Variants in SLC38A10 observed in about 807,000 individuals in gnomAD.
The protein encoded by SLC38A10 is Sodium-coupled neutral amino acid transporter 10.
A neutral mutation model predicts 81.0 loss-of-function variants in SLC38A10; 53 were observed. That is an observed-to-expected ratio of 0.65 (90% CI 0.53 to 0.82). SLC38A10 has a LOEUF of 0.82. SLC38A10 is among the 40% of genes least tolerant of loss of function. SLC38A10 has a pLI of 0.00. For missense variants in SLC38A10, 1,471 were observed against 1,545.0 expected (o/e 0.95, Z 0.80); for synonymous variants, 665 against 655.3 (o/e 1.01, Z -0.23).
chr17:81,259,455 C>T, intron 11 of SLC38A10, among the ~76,000 whole-genome samples: 1 of 152,224 alleles, frequency 6.6e-6, no homozygotes, highest in East Asian at 1.9e-4. Context: ...ACAGCACCTA[C>T]CTGCCCATCC....
Position 81,275,986 on chromosome 17 carries a change from G to A in SLC38A10, c.895C>T (p.Leu299=). 6.2e-7 allele frequency: 1 copy of A among 1,613,618 alleles called. No individual in the cohort carries two copies. The highest frequency in any genetic ancestry group is 8.5e-7 in the Non-Finnish European group (1 of 1,179,958). The part of the protein sequence containing the change: ...ILPCRQALST[L]LCEQQQKDGT... ...GGTCTTACCTGCTGCTCACACAGCA[G>A]CGTGCTCAGGGCCTGCCTGCATGGC... Residue 299 remains leucine (L), a synonymous_variant, in exon 8 of 16, where the codon CTG becomes TTG. Transcript: ENST00000374759.
Position 81,253,193 on chromosome 17 carries a change from T to G in SLC38A10, c.1336A>C (p.Lys446Gln). The G allele has an allele frequency of 1.2e-6, 2 of 1,613,802 alleles. No homozygotes were observed. The highest frequency in any genetic ancestry group is 1.7e-6 in the Non-Finnish European group (2 of 1,180,034). ...AGCTCCTCTCTCTCCTTCGGCAGCT[T>G]CGGCTTCTCCCGGCCATCCTCAGCC... ...AVAEDGREKP[K>Q]LPKEREELEQ... is the part of the protein sequence containing the mutation. The change falls in exon 12 of 16, where the codon AAG (lysine) becomes CAG (glutamine). Residue 446 changes from lysine (K) to glutamine (Q), a missense_variant. Around this residue, in one of 2 missense-constraint regions of SLC38A10, gnomAD observed 720 missense variants for 827.7 expected, o/e 0.87. Transcript: ENST00000374759. The surrounding 1 kb of genome is among the most constrained non-coding windows in gnomAD (Gnocchi z 4.1).
At chr17:81,251,731 AC>A in intron 13 of SLC38A10, 119 bp from the exon 14 acceptor site, 12 of 1,110,916 alleles carry the variant, frequency 1.1e-5, no homozygotes, top group Non-Finnish European at 1.4e-5. Flanking sequence ...CTAAAGTGAC[AC>A]CCCCGTCAGC....
In SLC38A10 at chr17:81,245,966, C is replaced by T; in HGVS notation, c.2950G>A (p.Glu984Lys). 2 of 1,604,392 alleles carry T rather than the reference C, an allele frequency of 1.2e-6. No individual in the cohort carries two copies. Among genetic ancestry groups the T allele is most frequent in the Non-Finnish European group, 1.7e-6 (2 of 1,174,488 alleles). The change falls in exon 16 of 16, where the codon GAG becomes AAG. Residue 984 changes from glutamate (E) to lysine (K), a missense_variant. Transcript: ENST00000374759. ...TCCCCCCCGCGGGCCTTTCTCATCT[C>T]CAGGTGACCGCCATGGTCCAGCCGG... ...GHRLDHGGHL[E>K]MRKARGGDHV... is the part of the protein sequence containing the mutation.
rs995205397 is a variant in SLC38A10 at position 81,284,986 on chromosome 17, C to T, written c.218-91G>A. ...TGAGCCAAGCTGTCAAGGGCGATTT[C>T]ACAGAAACCCACGGGCCCAGATTCT... On this transcript the variant is annotated intron_variant, in intron 2 of 15. Coordinates refer to ENST00000374759, the MANE Select transcript of SLC38A10 (RefSeq NM_001037984.3). 2.2e-5 allele frequency: 26 copies of T among 1,179,166 alleles called. No individual in the cohort carries two copies. In the African/African-American group the frequency reaches 3.0e-4, roughly 14 times the overall value. The allele number at this position is 1,179,166 out of a possible 1,614,324, so 73.0% of individuals were successfully genotyped here. A position where few individuals can be genotyped will look rare whatever the true frequency, so the allele number is the denominator to read the frequency against.
Position 81,260,230 on chromosome 17 carries a change from G to T in SLC38A10, c.1288+8C>A. 6.3e-7 allele frequency: 1 copy of T among 1,596,708 alleles called. No individual in the cohort carries two copies. Among genetic ancestry groups the T allele is most frequent in the Non-Finnish European group, 8.5e-7 (1 of 1,172,612 alleles). On this transcript the variant is annotated splice_region_variant and intron_variant, in intron 11 of 15. Transcript: ENST00000374759. ...CTGAGAAGGCTCAGAGAGCCAGGGT[G>T]GGCATACCTGAGAGCCGCGCTGCCT... is the stretch of plus-strand genomic sequence containing the variant.
In SLC38A10 at chr17:81,253,023, G is replaced by GGACCC. The variant is rs757247308; in HGVS notation, c.1456+45_1456+49dup. ...CGCAGGGTGTCCAGCCTGCAAAGGA[G>GGACCC]GACCCGGGGCCGCCCTTCCCCATCC... On this transcript the variant is annotated intron_variant, in intron 12 of 15. Transcript: ENST00000374759. The surrounding 1 kb of genome is among the most constrained non-coding windows in gnomAD (Gnocchi z 4.1). 1.3e-6 allele frequency: 2 copies of GGACCC among 1,594,592 alleles called. No individual in the cohort carries two copies. Among genetic ancestry groups the GGACCC allele is most frequent in the Non-Finnish European group, 1.7e-6 (2 of 1,171,574 alleles).
chr17:81,259,215 G>A (rs1256262793), intron 11 of SLC38A10, among the ~76,000 whole-genome samples: 4 of 152,238 alleles, frequency 2.6e-5, no homozygotes, highest in African/African-American at 9.6e-5. Context: ...GGCCCCTCCT[G>A]GAGGCGGAAG....
chr17:81,245,097 G>A lies in SLC38A10; in HGVS notation c.*459C>T, dbSNP rs2062836100. On this transcript the variant is annotated 3_prime_UTR_variant, in exon 16 of 16. Coordinates refer to ENST00000374759, the MANE Select transcript of SLC38A10 (RefSeq NM_001037984.3). ...ATTATCATTCTGAGTCACTGCAAGC[G>A]TGGGGTTGGATGCTGGCTCTCACAG... The A allele has an allele frequency of 2.4e-5, 4 of 169,956 alleles. No homozygotes were observed. The highest frequency in any genetic ancestry group is 2.0e-4 in the South Asian group (1 of 5,110). 10.5% of individuals were successfully genotyped at this position (169,956 alleles called of 1,614,324 possible).
rs2063166360 is a variant in SLC38A10 at position 81,276,798 on chromosome 17, G to A, written c.729+233C>T. On this transcript the variant is annotated intron_variant, in intron 7 of 15. Coordinates refer to ENST00000374759, the MANE Select transcript of SLC38A10 (RefSeq NM_001037984.3). This position sits in a 1 kb window ranked among gnomAD's most constrained non-coding sequence, Gnocchi z 4.7. ...CCCTGGTGCCCAGCTCCTCAGGTCA[G>A]GAGAGCTTCCTGGCCCAGGGTGGAC... Among the ~76,000 whole-genome samples, 1 of 152,254 alleles carries A rather than the reference G, an allele frequency of 6.6e-6. No homozygotes were observed. Among genetic ancestry groups the A allele is most frequent in the South Asian group, 2.1e-4 (1 of 4,834 alleles).
At chr17:81,258,684 C>T (rs1023886390) in intron 11 of SLC38A10, among the ~76,000 whole-genome samples, 1 of 152,288 alleles carries the variant, frequency 6.6e-6, no homozygotes, top group South Asian at 2.1e-4. Context: ...ATGTCAGCGC[C>T]CAGTCTAGCC....
At position 81,260,246 on chromosome 17, in the gene SLC38A10, C is replaced by T. The variant is rs747060010; in HGVS notation, c.1280G>A (p.Arg427Gln). Residue 427 changes from arginine (R) to glutamine (Q), a missense_variant, in exon 11 of 16, where the codon CGG becomes CAG. Coordinates refer to ENST00000374759, the MANE Select transcript of SLC38A10 (RefSeq NM_001037984.3). The stretch of plus-strand genomic sequence containing the variant: ...AGCCAGGGTGGGCATACCTGAGAGC[C>T]GCGCTGCCTCCACCTTCATCAAACC... ...AEGLMKVEAA[R>Q]LSAQDPVVAV... 10 of 1,602,060 alleles carry T rather than the reference C, an allele frequency of 6.2e-6. No homozygotes were observed. Among genetic ancestry groups the T allele is most frequent in the East Asian group, 2.2e-5 (1 of 44,540 alleles).
In SLC38A10 at chr17:81,245,859, C is replaced by A; in HGVS notation, c.3057G>T (p.Glu1019Asp). 6.2e-7 allele frequency: 1 copy of A among 1,612,304 alleles called. No individual in the cohort carries two copies. The highest frequency in any genetic ancestry group is 8.5e-7 in the Non-Finnish European group (1 of 1,179,652). Residue 1019 changes from glutamate to aspartate, a missense_variant, in exon 16 of 16, where the codon GAG becomes GAT. Physicochemically the swap from Glu to Asp is conservative, Grantham distance 45. This residue lies in a region of SLC38A10 where 751 missense variants were observed against 717.4 expected (regional missense o/e 1.05). Coordinates refer to ENST00000374759, the MANE Select transcript of SLC38A10 (RefSeq NM_001037984.3). Reference protein sequence around the residue: ...VQEPRQRPEPELGLKRAVPGG... With the variant: ...VQEPRQRPEPDLGLKRAVPGG... ...CCGGGACAGCTCGTTTGAGCCCCAG[C>A]TCTGGCTCTGGCCTCTGCCTGGGCT...
intron 10 of SLC38A10, 56 bp from the exon 11 acceptor site, chr17:81,260,450 A>C (rs1301626062): frequency 6.4e-7 from 1 of 1,553,626 alleles, no homozygotes; most frequent in African/African-American, 1.4e-5. Context: ...GCCCCTGCCC[A>C]GGGTATAAAA....
intron 14 of SLC38A10, 79 bp downstream of exon 14, chr17:81,251,414 T>C (rs1403070098): frequency 6.2e-7 from 1 of 1,611,078 alleles, no homozygotes. Context: ...GAGGATGACC[T>C]GGGCATCACC....
rs1460255204 is a variant in SLC38A10 at position 81,272,614 on chromosome 17, G to T, written c.926C>A (p.Thr309Asn). Residue 309 changes from threonine (T) to asparagine (N), a missense_variant, in exon 9 of 16, where the codon ACC becomes AAC. Coordinates refer to ENST00000374759, the MANE Select transcript of SLC38A10 (RefSeq NM_001037984.3). ...GGGCATGTAGCCCCCTGCTGCAAAG[G>T]TGCCATCTTTTTGCTGTACAAAAGA... Reference protein sequence around the residue: ...LLCEQQQKDGTFAAGGYMPPL... With the variant: ...LLCEQQQKDGNFAAGGYMPPL... 7.1e-6 allele frequency: 11 copies of T among 1,549,416 alleles called. No individual in the cohort carries two copies. The highest frequency in any genetic ancestry group is 1.2e-5 in the South Asian group (1 of 82,296).
chr17:81,284,933 G>T (rs368105024), intron 2 of SLC38A10, 38 bp from the exon 3 acceptor site: 1 of 1,525,592 alleles, frequency 6.6e-7, no homozygotes, highest in South Asian at 1.2e-5. Flanking sequence ...ATCCAACAGC[G>T]TGAGAAGCTC....
chr17:81,257,167 C>T (rs1366913244), intron 11 of SLC38A10, among the ~76,000 whole-genome samples: 23 of 152,140 alleles, frequency 1.5e-4, no homozygotes, highest in African/African-American at 5.1e-4. Context: ...TCACCCAGGC[C>T]GGAGTGCAGT....
intron 8 of SLC38A10, among the ~76,000 whole-genome samples, chr17:81,274,185 G>C (rs921445704): frequency 3.3e-5 from 5 of 152,236 alleles, no homozygotes; most frequent in African/African-American, 1.2e-4. Context: ...CTCTGGCCTT[G>C]CCTCCTCGAT....
Sources: gnomAD v4.1 joint callset for allele counts (sites outside exome capture counted in the v4.1 genomes callset) on GRCh38, gnomAD v4.1.1 for gene constraint, gnomAD v4.1.1 regional missense constraint, Gnocchi (gnomAD v3.1) non-coding constraint, MANE v1.5 for transcripts, NCBI Gene and HGNC (gene_info 2026-07-23, HGNC 2026-07-21) for gene names.